Variants in RBPJ observed in about 807,000 individuals in gnomAD.
RBPJ encodes recombining binding protein suppressor of hairless.
A neutral mutation model predicts 67.8 loss-of-function variants in RBPJ; 9 were observed. That is an observed-to-expected ratio of 0.13 (90% CI 0.08 to 0.23). The LOEUF (loss-of-function observed/expected upper bound fraction) is 0.23. Ranked by LOEUF, RBPJ falls within the 10% of genes least tolerant of loss-of-function variation. The probability of loss-of-function intolerance (pLI) is 1.00; values close to 1 mark genes in which losing one functional copy is unlikely to be tolerated. For synonymous variants in RBPJ, 198 were observed against 203.3 expected (o/e 0.97, Z 0.22); for missense variants, 305 against 595.6 (o/e 0.51, Z 5.08).
intron 3 of RBPJ, among the ~76,000 whole-genome samples, chr4:26,409,081 C>T (rs951839785): frequency 9.9e-5 from 15 of 152,150 alleles, no homozygotes; most frequent in African/African-American, 3.4e-4. Context: ...ATTGAATTCA[C>T]TTATTCTTTA....
At position 26,420,670 on chromosome 4, in the gene RBPJ, G is replaced by A. The variant is rs1453314989; in HGVS notation, c.441G>A (p.Arg147=). Residue 147 remains arginine (R), a synonymous_variant, in exon 5 of 11, where the codon CGG becomes CGA. Transcript: ENST00000355476. ...ACATTGGTGTGTTCCTCAGCAAGCG[G>A]ATAAAAGTCATCTCCAAACCTTCCA... ...SDDIGVFLSK[R]IKVISKPSKK... 4 of 1,613,868 alleles carry A rather than the reference G, an allele frequency of 2.5e-6. No homozygotes were observed. The highest frequency in any genetic ancestry group is 3.3e-4 in the Middle Eastern group (2 of 6,060).
chr4:26,151,086 CAACT>C, the RBPJ span, among the ~76,000 whole-genome samples: 2 of 152,068 alleles, frequency 1.3e-5, no homozygotes, highest in Non-Finnish European at 2.9e-5. Context: ...TGAGCAACAC[CAACT>C]GAGTGAAATA....
intron 1 of RBPJ, among the ~76,000 whole-genome samples, chr4:26,295,898 A>G (rs1457185579): frequency 6.6e-6 from 1 of 152,208 alleles, no homozygotes; most frequent in Non-Finnish European, 1.5e-5. Context: ...AATTAGAGGA[A>G]GGATATAATT....
chr4:26,200,343 T>C (rs1409057625), intron 1 of RBPJ, among the ~76,000 whole-genome samples: 1 of 152,182 alleles, frequency 6.6e-6, no homozygotes, highest in African/African-American at 2.4e-5. Context: ...TTCACCAAGG[T>C]CCACAACTGG....
At chr4:26,393,421 C>G (rs1437566649) in intron 2 of RBPJ, among the ~76,000 whole-genome samples, 1 of 152,182 alleles carries the variant, frequency 6.6e-6, no homozygotes, top group Non-Finnish European at 1.5e-5. Context: ...ATCACCCAGG[C>G]TATAGCGCAG....
chr4:26,361,078 T>TGTGTGTGTGC (rs1442607857), intron 1 of RBPJ, among the ~76,000 whole-genome samples: 1 of 151,516 alleles, frequency 6.6e-6, no homozygotes, highest in African/African-American at 2.4e-5. Flanking sequence ...TGTGTGTGTG[T>TGTGTGTGTGC]GTCACATTCA....
At chr4:26,127,888 G>A in the RBPJ span, among the ~76,000 whole-genome samples, 3 of 152,182 alleles carry the variant, frequency 2.0e-5, no homozygotes, top group Non-Finnish European at 4.4e-5. Flanking sequence ...GGCATTTTTG[G>A]CAGCTGCTCA....
intron 1 of RBPJ, among the ~76,000 whole-genome samples, chr4:26,266,201 CA>C (rs1720700011): frequency 1.3e-5 from 2 of 152,046 alleles, no homozygotes; most frequent in South Asian, 4.1e-4. Flanking sequence ...CACTGGTTAG[CA>C]CATAGTCTAC....
At chr4:26,179,544 G>T (rs1190169241) in intron 1 of RBPJ, among the ~76,000 whole-genome samples, 1 of 151,850 alleles carries the variant, frequency 6.6e-6, no homozygotes, top group Non-Finnish European at 1.5e-5. Flanking sequence ...TTAGAAAGTA[G>T]GACAACAAAC....
upstream of RBPJ, chr4:26,320,663 C>A: frequency 6.9e-7 from 1 of 1,440,666 alleles, no homozygotes. Context: ...CCCCTCCATT[C>A]CTCGTCCCCG....
rs1718594707 is a variant in RBPJ, at chr4:26,214,771, G to GAAGGAAGGAAGGGAAAAGAGAGAGAA, written c.-167+51159_-167+51160insGGAAGGAAGGGAAAAGAGAGAGAAAA. On this transcript the variant is annotated intron_variant, in intron 1 of 4. Coordinates refer to the RBPJ transcript ENST00000512351. Reference sequence around the variant, plus strand: ...GAAAGAGAAAAAGAGAGAAAAAAGAGAAAGAAAGAAAGAAAAAGAGAAGGA... The same window carrying GAAGGAAGGAAGGGAAAAGAGAGAGAA: ...GAAAGAGAAAAAGAGAGAAAAAAGAGAAGGAAGGAAGGGAAAAGAGAGAGAAAAAGAAAGAAAGAAAAAGAGAAGGA... Among the ~76,000 whole-genome samples the GAAGGAAGGAAGGGAAAAGAGAGAGAA allele has an allele frequency of 2.0e-4, 2 of 10,124 alleles. 1 individual carries two copies. The highest frequency in any genetic ancestry group is 3.0e-4 in the Non-Finnish European group (2 of 6,682). The allele number at this position is 10,124 out of a possible 152,430, so 6.6% of individuals were successfully genotyped here. A position where few individuals can be genotyped will look rare whatever the true frequency, so the allele number is the denominator to read the frequency against.
upstream of RBPJ, chr4:26,320,952 G>A (rs1160149659): frequency 2.5e-5 from 40 of 1,612,606 alleles, no homozygotes; most frequent in Middle Eastern, 3.3e-4. Context: ...AAAAGGGAAG[G>A]GGCGGGGGAG....
chr4:26,119,410 G>A, the RBPJ span, among the ~76,000 whole-genome samples: 7 of 152,128 alleles, frequency 4.6e-5, no homozygotes, highest in Admixed American at 1.3e-4. Flanking sequence ...ACCCAATAAA[G>A]AAAGTATGGA....
the RBPJ span, among the ~76,000 whole-genome samples, chr4:26,134,698 C>A: frequency 7.2e-5 from 11 of 152,154 alleles, no homozygotes; most frequent in African/African-American, 2.7e-4. Context: ...TGGAAGCTAC[C>A]CTTTGAGGAG....
intron 4 of RBPJ, among the ~76,000 whole-genome samples, chr4:26,419,085 C>T (rs926895166): frequency 6.6e-6 from 1 of 152,214 alleles, no homozygotes; most frequent in East Asian, 1.9e-4. Flanking sequence ...CTCAAGCGAC[C>T]GTCCCACCTC....
the RBPJ span, among the ~76,000 whole-genome samples, chr4:26,123,857 G>A: frequency 1.3e-5 from 2 of 152,114 alleles, no homozygotes; most frequent in African/African-American, 4.8e-5. Context: ...GCATGGAGCT[G>A]TCATCTCCTA....
At chr4:26,283,233 A>G (rs1052134768) in intron 1 of RBPJ, among the ~76,000 whole-genome samples, 5 of 146,540 alleles carry the variant, frequency 3.4e-5, no homozygotes, top group Non-Finnish European at 6.0e-5. Context: ...CCGGCCTCTT[A>G]TTTTTAAATT....
chr4:26,367,899 TG>T (rs1728785882), intron 1 of RBPJ: 1 of 152,254 alleles, frequency 6.6e-6, no homozygotes, highest in African/African-American at 2.4e-5. Context: ...TGAAGACTTC[TG>T]GTAAATTGTT....
intron 1 of RBPJ, among the ~76,000 whole-genome samples, chr4:26,244,447 A>ATATATGTATACATATGTG (rs1249200669): frequency 9.0e-5 from 1 of 11,060 alleles, no homozygotes; most frequent in African/African-American, 3.7e-4. Context: ...ATATGTGTGT[A>ATATATGTATACATATGTG]TACATATATG....
Sources: allele counts gnomAD v4.1 joint callset (sites outside exome capture counted in the v4.1 genomes callset), GRCh38; gene constraint gnomAD v4.1.1; transcripts MANE v1.5; gene names NCBI Gene and HGNC (gene_info 2026-07-23, HGNC 2026-07-21).